P4HA1: variants seen among roughly 807,000 people sequenced by gnomAD.
P4HA1 encodes the protein prolyl 4-hydroxylase subunit alpha 1, also known as prolyl 4-hydroxylase subunit alpha-1.
In P4HA1, 24 loss-of-function variants were observed where a neutral mutation model predicts 72.8. The observed-to-expected ratio is 0.33, with a 90% CI of 0.24 to 0.46. The LOEUF is 0.46. Ranked by LOEUF, P4HA1 falls within the 20% of genes least tolerant of loss-of-function variation. The probability of loss-of-function intolerance (pLI) is 1.00; values close to 1 mark genes in which losing one functional copy is unlikely to be tolerated. For synonymous variants in P4HA1, 201 were observed against 218.8 expected, an observed-to-expected ratio of 0.92 and a Z score of 0.72; for missense variants, 446 against 640.6, an observed-to-expected ratio of 0.70 and a Z score of 3.28.
At chr10:73,090,979 T>C (rs1842016558) in intron 1 of P4HA1, among the ~76,000 whole-genome samples, 1 of 146,030 alleles carries the variant, frequency 6.8e-6, no homozygotes, top group Non-Finnish European at 1.5e-5. Context: ...GAGAATTGCT[T>C]GAACCCAGGA....
chr10:73,010,933 AAATT>A (rs763927340), intron 13 of P4HA1, 32 bp downstream of exon 13: 2 of 1,526,624 alleles, frequency 1.3e-6, no homozygotes, highest in South Asian at 2.3e-5. Flanking sequence ...CTTAGGGAAA[AAATT>A]AATAAACCAA....
In P4HA1 at chr10:73,053,378, A is replaced by G; in HGVS notation, c.676T>C (p.Leu226=). 2 of 1,614,194 alleles carry G rather than the reference A, an allele frequency of 1.2e-6. No individual in the cohort carries two copies. Among genetic ancestry groups the G allele is most frequent in the Admixed American group, 3.3e-5 (2 of 60,022 alleles). Residue 226 remains leucine, a synonymous_variant, in exon 6 of 15, where the codon TTG becomes CTG. Transcript: ENST00000394890. ...YQQGDLDKAL[L]LTKKLLELDP... is the part of the protein sequence containing the mutation. ...AGTTCAAGAAGCTTCTTTGTGAGCA[A>G]AAGTGCCTTATCCAGGTCTCCCTGC...
intron 9 of P4HA1, among the ~76,000 whole-genome samples, chr10:73,031,429 G>C (rs991945472): frequency 2.0e-5 from 3 of 152,208 alleles, no homozygotes; most frequent in Non-Finnish European, 4.4e-5. Context: ...AGGCTGCAGT[G>C]AATTATGATC....
intron 11 of P4HA1, among the ~76,000 whole-genome samples, chr10:73,014,811 C>T (rs1251709634): frequency 6.6e-6 from 1 of 151,446 alleles, no homozygotes; most frequent in Non-Finnish European, 1.5e-5. Flanking sequence ...GAAATATTTC[C>T]TAGTATTATT....
chr10:73,021,321 T>C (rs1840130421), intron 10 of P4HA1, among the ~76,000 whole-genome samples: 1 of 152,128 alleles, frequency 6.6e-6, no homozygotes, highest in African/African-American at 2.4e-5. Context: ...GCCAAGTATA[T>C]ATCCAAAAGA....
At chr10:73,028,498 C>A (rs971316346) in intron 10 of P4HA1, among the ~76,000 whole-genome samples, 8 of 152,092 alleles carry the variant, frequency 5.3e-5, no homozygotes, top group African/African-American at 1.9e-4. Flanking sequence ...ATGGCGCAAT[C>A]TCAGCTCACC....
rs1841406967 is a variant in P4HA1, at chr10:73,065,800, T to G, written c.463+3046A>C. 2.6e-5 allele frequency among the ~76,000 whole-genome samples: 4 copies of G among 152,286 alleles called. No individual in the cohort carries two copies. The South Asian group carries it at 8.3e-4, about 32-fold the overall frequency. On this transcript the variant is annotated intron_variant, in intron 5 of 14. Transcript: ENST00000394890. Reference sequence around the variant, plus strand: ...TCAACAAAGATGTATCAAACTTCATTTGATAAAGCAAAAAATTGGACAAAA... The same window carrying G: ...TCAACAAAGATGTATCAAACTTCATGTGATAAAGCAAAAAATTGGACAAAA...
intron 1 of P4HA1, among the ~76,000 whole-genome samples, chr10:73,076,459 T>C (rs934218390): frequency 2.0e-5 from 3 of 152,136 alleles, no homozygotes; most frequent in African/African-American, 7.2e-5. Flanking sequence ...ACTTCAGTTT[T>C]GTTTCTCTTA....
Position 73,074,877 on chromosome 10 carries a change from A to T in P4HA1, c.7T>A (p.Trp3Arg). Residue 3 changes from tryptophan to arginine, a missense_variant, in exon 2 of 15, where the codon TGG (tryptophan) becomes AGG (arginine). Trp to Arg is a moderately radical substitution (Grantham distance 101). Coordinates refer to ENST00000394890, the MANE Select transcript of P4HA1 (RefSeq NM_001017962.3). Reference protein sequence around the residue: MIWYILIIGILLP... With the variant: MIRYILIIGILLP... ...AGAATTCCTATAATTAATATATACC[A>T]GATCATCTTGGAAGATTTAATTTTA... 1 of 1,489,198 alleles carries T rather than the reference A, an allele frequency of 6.7e-7. No homozygotes were observed. Among genetic ancestry groups the T allele is most frequent in the Non-Finnish European group, 9.3e-7 (1 of 1,071,916 alleles). 92.2% of individuals were successfully genotyped at this position (1,489,198 alleles called of 1,614,324 possible). A position where few individuals can be genotyped will look rare whatever the true frequency, so the allele number is the denominator to read the frequency against.
intron 11 of P4HA1, among the ~76,000 whole-genome samples, chr10:73,016,386 G>A (rs1840007714): frequency 6.6e-6 from 1 of 152,186 alleles, no homozygotes; most frequent in Non-Finnish European, 1.5e-5. Context: ...AAATCCCACT[G>A]CATTTGCAGT....
intron 13 of P4HA1, 104 bp downstream of exon 13, chr10:73,010,865 G>T: frequency 2.4e-6 from 2 of 850,768 alleles, no homozygotes; most frequent in South Asian, 1.6e-5. Flanking sequence ...CTCAAAAAAT[G>T]AAAAAGAAAA....
At chr10:73,060,299 A>G (rs935908531) in intron 5 of P4HA1, among the ~76,000 whole-genome samples, 36 of 152,234 alleles carry the variant, frequency 2.4e-4, no homozygotes, top group Admixed American at 4.6e-4. Flanking sequence ...GTGGTTTTCA[A>G]TTTGAACAAT....
At chr10:73,071,732 T>C (rs188009997) in intron 4 of P4HA1, among the ~76,000 whole-genome samples, 21 of 152,190 alleles carry the variant, frequency 1.4e-4, no homozygotes, top group African/African-American at 5.1e-4. Flanking sequence ...ATTTTTAAAG[T>C]TTGAAGGTAA....
intron 5 of P4HA1, among the ~76,000 whole-genome samples, chr10:73,063,477 G>A (rs1841355814): frequency 6.6e-6 from 1 of 152,208 alleles, no homozygotes; most frequent in South Asian, 2.1e-4. Flanking sequence ...TCCAACAACA[G>A]CAGATGCTAA....
intron 12 of P4HA1, among the ~76,000 whole-genome samples, chr10:73,013,618 C>G (rs1245405231): frequency 6.6e-6 from 1 of 152,082 alleles, no homozygotes; most frequent in Non-Finnish European, 1.5e-5. Flanking sequence ...TTTTGGAGTG[C>G]TTTATTTGGG....
rs763039652 is a variant in P4HA1 at position 73,081,958 on chromosome 10, G to C, written c.-32-7043C>G. On this transcript the variant is annotated intron_variant, in intron 1 of 14. Coordinates refer to ENST00000394890, the MANE Select transcript of P4HA1 (RefSeq NM_001017962.3). ...CTGAACCTGGGAGGTGGAGTTTACAGTGAGCCAAGATGGCACCACCACACT... is the reference window on the plus strand; with the variant it reads ...CTGAACCTGGGAGGTGGAGTTTACACTGAGCCAAGATGGCACCACCACACT... 6.6e-5 allele frequency among the ~76,000 whole-genome samples: 10 copies of C among 152,358 alleles called. 1 individual carries two copies. The East Asian group carries it at 1.3e-3, about 21-fold the overall frequency.
chr10:73,046,676 G>A (rs1032224571), intron 8 of P4HA1, among the ~76,000 whole-genome samples: 6 of 152,158 alleles, frequency 3.9e-5, no homozygotes, highest in Middle Eastern at 3.4e-3. Context: ...TGTTAATGGT[G>A]AATAAAAATC....
At chr10:73,089,727 A>AAAAC (rs1841990947) in intron 1 of P4HA1, among the ~76,000 whole-genome samples, 1 of 151,202 alleles carries the variant, frequency 6.6e-6, no homozygotes, top group African/African-American at 2.4e-5. Flanking sequence ...AAAAAAAAAA[A>AAAAC]GCGTATATAC....
chr10:73,013,474 C>T (rs562839483), intron 12 of P4HA1, among the ~76,000 whole-genome samples: 1 of 152,298 alleles, frequency 6.6e-6, no homozygotes, highest in East Asian at 1.9e-4. Flanking sequence ...TCAAGATACC[C>T]CAGTGCCAGG....
Sources: allele counts gnomAD v4.1 joint callset (sites outside exome capture counted in the v4.1 genomes callset), GRCh38; gene constraint gnomAD v4.1.1; transcripts MANE v1.5; gene names NCBI Gene and HGNC (gene_info 2026-07-23, HGNC 2026-07-21).